The following TPGS2 variants were observed in gnomAD, a reference collection of about 807,000 sequenced individuals.
TPGS2 encodes the protein polyglutamylase subunit 2.
In TPGS2, 26 loss-of-function variants were observed where a neutral mutation model predicts 31.1. The ratio of observed to expected loss-of-function variants is 0.84; its 90% CI spans 0.61 to 1.16. The LOEUF is 1.16. TPGS2 is among the 50% of genes most tolerant of loss of function. The pLI, the probability that TPGS2 is intolerant of heterozygous loss-of-function variation, is 0.00. For synonymous variants in TPGS2, 130 were observed against 136.6 expected, an observed-to-expected ratio of 0.95 and a Z score of 0.34; for missense variants, 351 against 363.8, an observed-to-expected ratio of 0.96 and a Z score of 0.29.
At chr18:36,782,001 G>T, downstream of TPGS2, 1 of 934,002 alleles carries the variant, frequency 1.1e-6, no homozygotes, top group Non-Finnish European at 1.3e-6. Flanking sequence ...TTCCACTTAT[G>T]GTTTAATAGT....
intron 6 of TPGS2, chr18:36,786,608 T>C: frequency 2.7e-6 from 1 of 367,634 alleles, no homozygotes; most frequent in Middle Eastern, 6.8e-4. Flanking sequence ...GGTATCTTAT[T>C]GTCACAAAGT....
At chr18:36,815,890 T>C (rs1025443794) in intron 2 of TPGS2, among the ~76,000 whole-genome samples, 8 of 152,132 alleles carry the variant, frequency 5.3e-5, no homozygotes, top group Non-Finnish European at 1.2e-4. Context: ...GTTGTCTCAT[T>C]ATGTTGTCCA....
At chr18:36,827,835 A>G (rs554140274) in intron 1 of TPGS2, among the ~76,000 whole-genome samples, 2 of 152,038 alleles carry the variant, frequency 1.3e-5, no homozygotes, top group East Asian at 3.9e-4. Flanking sequence ...TAGTGACCTC[A>G]TTTGTTTATT....
intron 2 of TPGS2, among the ~76,000 whole-genome samples, chr18:36,811,447 C>T (rs546849352): frequency 1.5e-4 from 23 of 152,212 alleles, no homozygotes; most frequent in African/African-American, 4.8e-4. Flanking sequence ...TCTAAAAATA[C>T]GTGAAGAAAA....
At chr18:36,815,896 G>T (rs1484376947) in intron 2 of TPGS2, among the ~76,000 whole-genome samples, 1 of 151,868 alleles carries the variant, frequency 6.6e-6, no homozygotes, top group Admixed American at 6.6e-5. Context: ...TCATTATGTT[G>T]TCCAGGCTGT....
downstream of TPGS2, among the ~76,000 whole-genome samples, chr18:36,781,464 C>T (rs1467360752): frequency 5.9e-5 from 9 of 151,992 alleles, no homozygotes; most frequent in Non-Finnish European, 1.0e-4. Flanking sequence ...CCATCCTGGC[C>T]AACATGGTGA....
At chr18:36,802,833 G>A (rs147168840) in intron 4 of TPGS2, among the ~76,000 whole-genome samples, 13,881 of 151,982 alleles carry the variant, frequency 0.091, 825 homozygotes, top group Admixed American at 0.14. Context: ...TCACCATGTT[G>A]GCCAGAATGG....
rs1337331169 is a variant in TPGS2, at chr18:36,796,623, C to T, written c.*182G>A. The T allele has an allele frequency of 2.2e-6, 3 of 1,368,928 alleles. No homozygotes were observed. The highest frequency in any genetic ancestry group is 1.5e-5 in the African/African-American group (1 of 66,642). The allele number at this position is 1,368,928 out of a possible 1,614,324, so 84.8% of individuals were successfully genotyped here. On this transcript the variant is annotated 3_prime_UTR_variant, in exon 7 of 7. Coordinates refer to ENST00000334295, the MANE Select transcript of TPGS2 (RefSeq NM_015476.4). ...CTTCCAGAGGCAGGGGACAGCACAA[C>T]CTGCTCTGGAGGCCTCACTACGAGC...
intron 5 of TPGS2, 71 bp downstream of exon 5, chr18:36,800,127 C>A: frequency 7.2e-7 from 1 of 1,393,596 alleles, no homozygotes; most frequent in East Asian, 2.3e-5. Flanking sequence ...GTCTCCTGAG[C>A]CATGGCTGAC....
At chr18:36,784,172 G>A (rs1055697939) in intron 6 of TPGS2, among the ~76,000 whole-genome samples, 1 of 152,226 alleles carries the variant, frequency 6.6e-6, no homozygotes, top group East Asian at 1.9e-4. Context: ...ATAAATTTCT[G>A]TTGTTATAAA....
intron 4 of TPGS2, among the ~76,000 whole-genome samples, chr18:36,803,040 A>C (rs1270176851): frequency 6.6e-6 from 1 of 152,168 alleles, no homozygotes; most frequent in African/African-American, 2.4e-5. Context: ...GATGGAGAAC[A>C]ACACGCTATT....
At position 36,807,893 on chromosome 18, in the gene TPGS2, G is replaced by A; in HGVS notation, c.207C>T (p.Tyr69=). 1 of 1,614,126 alleles carries A rather than the reference G, an allele frequency of 6.2e-7. No homozygotes were observed. The highest frequency in any genetic ancestry group is 1.3e-5 in the African/African-American group (1 of 75,034). The change falls in exon 3 of 7, where the codon TAC becomes TAT. Residue 69 remains tyrosine (Y), a synonymous_variant. Transcript: ENST00000334295. ...TCATGTGGAAGCCATTGGTCATCAG[G>A]TAAAAGTTCTTCACATCTTCAGGCA... ...CVMPEDVKNF[Y]LMTNGFHMTW...
chr18:36,798,841 TG>T (rs1048026213), intron 5 of TPGS2, among the ~76,000 whole-genome samples: 8 of 152,202 alleles, frequency 5.3e-5, no homozygotes, highest in African/African-American at 1.9e-4. Context: ...ATCAGTAGAT[TG>T]ATCTATCTGC....
At chr18:36,800,335 A>AATG in intron 4 of TPGS2, 24 bp from the exon 5 acceptor site, 1 of 1,607,680 alleles carries the variant, frequency 6.2e-7, no homozygotes, top group African/African-American at 1.3e-5. Flanking sequence ...AGTTAATGGT[A>AATG]ATGTTCAAAC....
Position 36,796,312 on chromosome 18 carries a change from TTG to T in TPGS2, c.*491_*492del. Reference sequence around the variant, plus strand: ...GTGGTGATGGAAATGTTCCATATCTTTGTGCTAATACAGAATCTACCAGCCAC... The same window carrying T: ...GTGGTGATGGAAATGTTCCATATCTTTGCTAATACAGAATCTACCAGCCAC... On this transcript the variant is annotated 3_prime_UTR_variant, in exon 7 of 7. Coordinates refer to ENST00000334295, the MANE Select transcript of TPGS2 (RefSeq NM_015476.4). The T allele has an allele frequency of 1.0e-6, 1 of 979,434 alleles. No homozygotes were observed. Among genetic ancestry groups the T allele is most frequent in the Non-Finnish European group, 1.2e-6 (1 of 824,418 alleles). The allele number at this position is 979,434 out of a possible 1,614,324, so 60.7% of individuals were successfully genotyped here.
intron 4 of TPGS2, 150 bp downstream of exon 4, chr18:36,805,224 A>G: frequency 1.1e-6 from 1 of 915,198 alleles, no homozygotes; most frequent in Non-Finnish European, 1.6e-6. Flanking sequence ...TTAGATTGTC[A>G]TGTTCCCTGA....
downstream of TPGS2, chr18:36,782,024 T>C (rs2044029582): frequency 2.4e-6 from 2 of 825,044 alleles, no homozygotes; most frequent in Non-Finnish European, 2.9e-6. Context: ...GTGAGAGTGT[T>C]CGCCTATTGC....
At position 36,795,818 on chromosome 18, in the gene TPGS2, G is replaced by A. The variant is rs769844258; in HGVS notation, c.*987C>T. On this transcript the variant is annotated 3_prime_UTR_variant, in exon 7 of 7. Coordinates refer to ENST00000334295, the MANE Select transcript of TPGS2 (RefSeq NM_015476.4). ...ATGGCCAGGGACCAGGCAAAGTGAG[G>A]CTGGACAACTCAGAGCTGTGAAGAG... 2 of 985,494 alleles carry A rather than the reference G, an allele frequency of 2.0e-6. No homozygotes were observed. Among genetic ancestry groups the A allele is most frequent in the East Asian group, 1.1e-4 (1 of 8,812 alleles). 61.0% of individuals were successfully genotyped at this position (985,494 alleles called of 1,614,324 possible).
At chr18:36,784,043 G>A (rs1024113315) in intron 6 of TPGS2, among the ~76,000 whole-genome samples, 1 of 152,132 alleles carries the variant, frequency 6.6e-6, no homozygotes, top group Admixed American at 6.5e-5. Flanking sequence ...ACCAAGAGCT[G>A]TAAAAGGCAA....
Sources: gnomAD v4.1 joint callset for allele counts (sites outside exome capture counted in the v4.1 genomes callset) on GRCh38, gnomAD v4.1.1 for gene constraint, MANE v1.5 for transcripts, NCBI Gene and HGNC (gene_info 2026-07-23, HGNC 2026-07-21) for gene names.